Variants in ELAVL2 observed in about 807,000 individuals in gnomAD.
ELAVL2 encodes the protein ELAV-like protein 2.
In ELAVL2, 4 loss-of-function variants were observed where a neutral mutation model predicts 34.6. The ratio of observed to expected loss-of-function variants is 0.12; its 90% CI spans 0.06 to 0.26. The LOEUF (loss-of-function observed/expected upper bound fraction) is 0.26. Among genes scored for constraint, ELAVL2 ranks in the 10% least tolerant of loss-of-function variants. The pLI is 1.00. For synonymous variants in ELAVL2, 193 were observed against 154.8 expected (o/e 1.25, Z -1.83); for missense variants, 432 against 442.8 (o/e 0.98, Z 0.22).
rs759804970 is a variant in ELAVL2 at position 23,751,428 on chromosome 9, C to T, written c.229+10578G>A. Among the ~76,000 whole-genome samples the T allele has an allele frequency of 2.0e-5, 3 of 152,150 alleles. No individual in the cohort carries two copies. In the East Asian group the frequency reaches 5.8e-4, roughly 29 times the overall value. ...TCTGTGATGACTGAATGAAGAAATGCTTTAGATGTTTTCAATGAATATTTC... is the reference window on the plus strand; with the variant it reads ...TCTGTGATGACTGAATGAAGAAATGTTTTAGATGTTTTCAATGAATATTTC... On this transcript the variant is annotated intron_variant, in intron 2 of 6. Transcript: ENST00000397312.
chr9:23,728,665 T>C (rs1227344377), intron 3 of ELAVL2, among the ~76,000 whole-genome samples: 1 of 152,064 alleles, frequency 6.6e-6, no homozygotes, highest in Non-Finnish European at 1.5e-5. Context: ...TGAAAAGGCT[T>C]AACTCAACTT....
chr9:23,826,955 G>C (rs2065334708), upstream of ELAVL2, among the ~76,000 whole-genome samples: 1 of 152,170 alleles, frequency 6.6e-6, no homozygotes, highest in Non-Finnish European at 1.5e-5. Context: ...ATCCTTTTAA[G>C]ATAAAGATGA....
intron 1 of ELAVL2, chr9:23,765,230 G>A (rs895195657): frequency 2.1e-5 from 15 of 724,488 alleles, no homozygotes; most frequent in African/African-American, 3.7e-5. Flanking sequence ...AATTGAAATT[G>A]AGGCAATTCC....
chr9:23,786,384 A>C (rs557608540), intron 1 of ELAVL2, among the ~76,000 whole-genome samples: 1 of 152,216 alleles, frequency 6.6e-6, no homozygotes, highest in Non-Finnish European at 1.5e-5. Context: ...TGAAATTTAC[A>C]GGACATGAAT....
chr9:23,838,535 T>G, the ELAVL2 span, among the ~76,000 whole-genome samples: 2,343 of 152,268 alleles, frequency 0.015, 63 homozygotes, highest in African/African-American at 0.053. Flanking sequence ...CAGAAATTGC[T>G]CTACCATTTT....
intron 1 of ELAVL2, among the ~76,000 whole-genome samples, chr9:23,787,449 C>G (rs2059829582): frequency 1.3e-5 from 2 of 151,736 alleles, no homozygotes; most frequent in Non-Finnish European, 2.9e-5. Flanking sequence ...CCAGGCTGGT[C>G]TCGAACTCCT....
chr9:23,799,382 A>G (rs1252901580), intron 1 of ELAVL2, among the ~76,000 whole-genome samples: 2 of 152,142 alleles, frequency 1.3e-5, no homozygotes, highest in East Asian at 3.9e-4. Flanking sequence ...CAGGACCTGA[A>G]AAGTGAGTAT....
chr9:23,820,537 C>CT (rs1466393871), intron 1 of ELAVL2, among the ~76,000 whole-genome samples: 1 of 152,240 alleles, frequency 6.6e-6, no homozygotes, highest in Admixed American at 6.5e-5. Flanking sequence ...AAATGACCAT[C>CT]TGGGCAGCTA....
chr9:23,797,313 A>G (rs919690445), intron 1 of ELAVL2, among the ~76,000 whole-genome samples: 23 of 152,358 alleles, frequency 1.5e-4, no homozygotes, highest in East Asian at 3.9e-4. Context: ...GGCTTTCTAA[A>G]TATCATTAAA....
chr9:23,822,862 G>C (rs10966089), intron 1 of ELAVL2, among the ~76,000 whole-genome samples: 3 of 150,936 alleles, frequency 2.0e-5, no homozygotes, highest in African/African-American at 4.8e-5. Flanking sequence ...GCATGATGCA[G>C]GTTTGATGCA....
chr9:23,760,752 G>T (rs1030665027), intron 2 of ELAVL2, among the ~76,000 whole-genome samples: 1 of 152,102 alleles, frequency 6.6e-6, no homozygotes, highest in South Asian at 2.1e-4. Flanking sequence ...CGTTTGCTAT[G>T]GATCAATGAC....
At chr9:23,708,223 C>T (rs545579119) in intron 3 of ELAVL2, among the ~76,000 whole-genome samples, 12 of 152,234 alleles carry the variant, frequency 7.9e-5, no homozygotes, top group African/African-American at 1.7e-4. Context: ...TATAAACTTA[C>T]GTCGGTAACA....
chr9:23,820,368 T>TA (rs1261156686), intron 1 of ELAVL2, among the ~76,000 whole-genome samples: 1 of 152,214 alleles, frequency 6.6e-6, no homozygotes, highest in Non-Finnish European at 1.5e-5. Context: ...CCGAAGGTAT[T>TA]ACATTTTGGC....
chr9:23,728,159 T>TGC (rs1311485159), intron 3 of ELAVL2, among the ~76,000 whole-genome samples: 1 of 151,796 alleles, frequency 6.6e-6, no homozygotes, highest in Non-Finnish European at 1.5e-5. Context: ...CAGAGAACAG[T>TGC]GCTTAAGCCT....
In ELAVL2 at chr9:23,758,849, T is replaced by C. The variant is rs530289467; in HGVS notation, c.229+3157A>G. ...GGATCTTAAATAAAGAACTACAGAG[T>C]GCAGCACTTCCTAAACTTGTCTGTC... On this transcript the variant is annotated intron_variant, in intron 2 of 6. Coordinates refer to ENST00000397312, the MANE Select transcript of ELAVL2 (RefSeq NM_004432.5). Among the ~76,000 whole-genome samples, 316 of 152,100 alleles carry C rather than the reference T, an allele frequency of 2.1e-3. 1 individual carries two copies. Among genetic ancestry groups the C allele is most frequent in the African/African-American group, 7.4e-3 (308 of 41,522 alleles).
At chr9:23,723,750 G>A (rs1464064090) in intron 3 of ELAVL2, among the ~76,000 whole-genome samples, 4 of 151,760 alleles carry the variant, frequency 2.6e-5, no homozygotes, top group Admixed American at 6.6e-5. Flanking sequence ...CTTATTATTC[G>A]GAAACCAATT....
intron 2 of ELAVL2, among the ~76,000 whole-genome samples, chr9:23,740,235 C>G (rs148839929): frequency 3.7e-4 from 56 of 152,286 alleles, no homozygotes; most frequent in Admixed American, 1.0e-3. Flanking sequence ...CACTGCCAAA[C>G]TAAACTATCA....
At chr9:23,759,754 T>TATATA (rs1554719969) in intron 2 of ELAVL2, among the ~76,000 whole-genome samples, 2 of 81,352 alleles carry the variant, frequency 2.5e-5, no homozygotes, top group Admixed American at 1.3e-4. Flanking sequence ...ATATATAGTA[T>TATATA]TATATATATA....
At chr9:23,808,475 A>G (rs1305224169) in intron 1 of ELAVL2, among the ~76,000 whole-genome samples, 2 of 152,164 alleles carry the variant, frequency 1.3e-5, no homozygotes, top group African/African-American at 4.8e-5. Flanking sequence ...AACTGGCAAA[A>G]TAATTGCTTT....
Sources: allele counts gnomAD v4.1 joint callset (sites outside exome capture counted in the v4.1 genomes callset), GRCh38; gene constraint gnomAD v4.1.1; transcripts MANE v1.5; gene names NCBI Gene and HGNC (gene_info 2026-07-23, HGNC 2026-07-21).